WDPCP: variants seen among roughly 807,000 people sequenced by gnomAD.
WDPCP encodes WD repeat containing planar cell polarity effector.
A neutral mutation model predicts 93.1 loss-of-function variants in WDPCP; 71 were observed. The ratio of observed to expected loss-of-function variants is 0.76; its 90% CI spans 0.63 to 0.93. The LOEUF (loss-of-function observed/expected upper bound fraction) is 0.93, where lower values mean the gene tolerates loss of function less well. Among genes scored for constraint, WDPCP ranks in the 40% least tolerant of loss-of-function variants. The probability of loss-of-function intolerance (pLI) is 0.00; values close to 1 mark genes in which losing one functional copy is unlikely to be tolerated. For synonymous variants in WDPCP, 315 were observed against 315.0 expected, an observed-to-expected ratio of 1.00 and a Z score of 0.00; for missense variants, 844 against 887.4, an observed-to-expected ratio of 0.95 and a Z score of 0.62.
At chr2:63,789,366 G>A (rs1172768934) in intron 2 of WDPCP, among the ~76,000 whole-genome samples, 1 of 152,040 alleles carries the variant, frequency 6.6e-6, no homozygotes, top group Non-Finnish European at 1.5e-5. Flanking sequence ...ACAAAACCTG[G>A]GTCTGCCTTT....
chr2:63,238,554 G>A (rs1288986847), intron 14 of WDPCP, among the ~76,000 whole-genome samples: 1 of 151,998 alleles, frequency 6.6e-6, no homozygotes, highest in Non-Finnish European at 1.5e-5. Flanking sequence ...CATCTGATTT[G>A]AGATGTACCC....
intron 3 of WDPCP, among the ~76,000 whole-genome samples, chr2:63,637,758 T>C (rs530066778): frequency 1.7e-4 from 26 of 152,206 alleles, no homozygotes; most frequent in Admixed American, 1.4e-3. Flanking sequence ...TGTTAGGATG[T>C]CTCTAATAAA....
chr2:63,188,914 C>T (rs898995287), intron 14 of WDPCP, among the ~76,000 whole-genome samples: 4 of 152,152 alleles, frequency 2.6e-5, no homozygotes, highest in African/African-American at 9.7e-5. Flanking sequence ...CCACCTTTCT[C>T]AATCTTTATG....
intron 12 of WDPCP, among the ~76,000 whole-genome samples, chr2:63,341,359 C>T (rs1688825132): frequency 6.6e-6 from 1 of 152,198 alleles, no homozygotes; most frequent in South Asian, 2.1e-4. Context: ...GAACTCCTGA[C>T]CTCAGGTGAT....
At chr2:63,589,425 TCTC>T (rs1472021436), upstream of WDPCP, 7 of 1,529,162 alleles carry the variant, frequency 4.6e-6, no homozygotes, top group African/African-American at 1.4e-5. Flanking sequence ...AACCCCTTTT[TCTC>T]CTCATTTGCC....
intron 3 of WDPCP, among the ~76,000 whole-genome samples, chr2:63,608,227 ACTT>A (rs1160121874): frequency 3.3e-5 from 5 of 152,292 alleles, no homozygotes; most frequent in African/African-American, 1.2e-4. Flanking sequence ...TGGAGGTATT[ACTT>A]TTTAGCAGAT....
chr2:63,199,961 C>A (rs1446762896), intron 14 of WDPCP, among the ~76,000 whole-genome samples: 1 of 152,222 alleles, frequency 6.6e-6, no homozygotes, highest in Non-Finnish European at 1.5e-5. Flanking sequence ...TGGGAGCCCA[C>A]TGCTTGCATC....
At chr2:63,148,634 C>T (rs992640890) in intron 17 of WDPCP, among the ~76,000 whole-genome samples, 5 of 151,316 alleles carry the variant, frequency 3.3e-5, no homozygotes, top group Non-Finnish European at 5.9e-5. Context: ...AGGTGTGAAC[C>T]ACTACTCCTG....
At chr2:63,372,332 C>T (rs929037142) in intron 12 of WDPCP, among the ~76,000 whole-genome samples, 2 of 152,178 alleles carry the variant, frequency 1.3e-5, no homozygotes, top group African/African-American at 2.4e-5. Flanking sequence ...CTGGGGATTA[C>T]ATTTCAACAT....
chr2:63,600,533 C>G (rs750847952), intron 3 of WDPCP, among the ~76,000 whole-genome samples: 2 of 152,290 alleles, frequency 1.3e-5, no homozygotes, highest in Admixed American at 1.3e-4. Context: ...GTATCTACCT[C>G]AGAGAGTTCT....
intron 12 of WDPCP, among the ~76,000 whole-genome samples, chr2:63,362,277 T>TTGGGTGTG (rs1553362983): frequency 0.014 from 1,316 of 94,104 alleles, 108 homozygotes; most frequent in African/African-American, 0.053. Context: ...TTTTTTTTGG[T>TTGGGTGTG]TGTGTGTGTG....
intron 13 of WDPCP, among the ~76,000 whole-genome samples, chr2:63,273,848 C>G (rs1347076850): frequency 1.3e-5 from 2 of 150,944 alleles, no homozygotes; most frequent in Non-Finnish European, 3.0e-5. Flanking sequence ...CACACACACA[C>G]AGAACAAATA....
At chr2:63,805,089 A>G (rs957949862) in intron 2 of WDPCP, among the ~76,000 whole-genome samples, 4 of 152,196 alleles carry the variant, frequency 2.6e-5, no homozygotes, top group Non-Finnish European at 4.4e-5. Context: ...GGAAGATAGG[A>G]GCAAAACAAA....
At chr2:63,717,716 T>C in intron 2 of WDPCP, 1 of 453,506 alleles carries the variant, frequency 2.2e-6, no homozygotes, top group Non-Finnish European at 4.3e-6. Context: ...CCAACGTTGA[T>C]GCCCACAGTT....
At chr2:63,254,250 T>G (rs1450859707) in intron 14 of WDPCP, among the ~76,000 whole-genome samples, 1 of 152,122 alleles carries the variant, frequency 6.6e-6, no homozygotes, top group Non-Finnish European at 1.5e-5. Context: ...GAGCAAGGGC[T>G]GAAAAACTAC....
chr2:63,456,488 CTG>C, intron 6 of WDPCP, among the ~76,000 whole-genome samples: 1 of 152,040 alleles, frequency 6.6e-6, no homozygotes, highest in African/African-American at 2.4e-5. Context: ...CAAGCCTGTG[CTG>C]TGTTTTTGGG....
chr2:63,308,974 A>G (rs1017546771), intron 13 of WDPCP, among the ~76,000 whole-genome samples: 1 of 152,184 alleles, frequency 6.6e-6, no homozygotes, highest in African/African-American at 2.4e-5. Context: ...AGCAACATGG[A>G]TGGAGTTTGA....
chr2:63,338,193 TCTACCTTC>T (rs1224048109), intron 12 of WDPCP, among the ~76,000 whole-genome samples: 1 of 152,060 alleles, frequency 6.6e-6, no homozygotes, highest in Admixed American at 6.6e-5. Context: ...AGAGATGGGG[TCTACCTTC>T]ATTGTTCTTC....
At chr2:63,551,580 T>C (rs1050688110) in intron 1 of WDPCP, among the ~76,000 whole-genome samples, 1 of 152,154 alleles carries the variant, frequency 6.6e-6, no homozygotes, top group South Asian at 2.1e-4. Context: ...TGCAGAACCA[T>C]GAACCAAAAT....
Sources: gnomAD v4.1 joint callset for allele counts (sites outside exome capture counted in the v4.1 genomes callset) on GRCh38, gnomAD v4.1.1 for gene constraint, MANE v1.5 for transcripts, NCBI Gene and HGNC (gene_info 2026-07-23, HGNC 2026-07-21) for gene names.